Variants in ARHGAP26 observed in about 807,000 individuals in gnomAD.
ARHGAP26 encodes Rho GTPase activating protein 26, also known as rho GTPase-activating protein 26.
In ARHGAP26, 38 loss-of-function variants were observed where a neutral mutation model predicts 104.8. That is an observed-to-expected ratio of 0.36 (90% CI 0.28 to 0.48). The LOEUF is 0.48. Among genes scored for constraint, ARHGAP26 ranks in the 20% least tolerant of loss-of-function variants. ARHGAP26 has a pLI of 0.99. For synonymous variants in ARHGAP26, 341 were observed against 340.0 expected, an observed-to-expected ratio of 1.00 and a Z score of -0.03; for missense variants, 704 against 947.9, an observed-to-expected ratio of 0.74 and a Z score of 3.38.
At chr5:142,861,377 A>G (rs1399212696) in intron 1 of ARHGAP26, among the ~76,000 whole-genome samples, 1 of 151,460 alleles carries the variant, frequency 6.6e-6, no homozygotes, top group African/African-American at 2.4e-5. Context: ...TTTCTTCCAG[A>G]AACATGAATT....
chr5:143,205,559 A>C (rs545140881), intron 20 of ARHGAP26, among the ~76,000 whole-genome samples: 1 of 152,352 alleles, frequency 6.6e-6, no homozygotes, highest in Admixed American at 6.5e-5. Context: ...AAGAATTCTA[A>C]TGCTATGACT....
chr5:143,219,540 G>A (rs1219747553), intron 22 of ARHGAP26, among the ~76,000 whole-genome samples: 1 of 152,208 alleles, frequency 6.6e-6, no homozygotes, highest in Non-Finnish European at 1.5e-5. Context: ...GGTGTCTGGA[G>A]GAGGAGGGAG....
chr5:143,092,781 TA>T (rs1427938239), intron 17 of ARHGAP26, among the ~76,000 whole-genome samples: 1 of 152,260 alleles, frequency 6.6e-6, no homozygotes, highest in Non-Finnish European at 1.5e-5. Flanking sequence ...AGAATTGGTA[TA>T]GATGGCTCTT....
At chr5:143,205,341 G>T (rs778908927) in intron 20 of ARHGAP26, among the ~76,000 whole-genome samples, 1 of 152,120 alleles carries the variant, frequency 6.6e-6, no homozygotes, top group African/African-American at 2.4e-5. Flanking sequence ...AAGCTTTAAA[G>T]AGTCATACTC....
intron 11 of ARHGAP26, among the ~76,000 whole-genome samples, chr5:142,935,830 T>G (rs1598305616): frequency 6.6e-6 from 1 of 152,154 alleles, no homozygotes; most frequent in East Asian, 1.9e-4. Flanking sequence ...TTAAATTTTA[T>G]GTTCAGAAAA....
chr5:142,820,351 A>G (rs1238520056), intron 1 of ARHGAP26, among the ~76,000 whole-genome samples: 2 of 152,150 alleles, frequency 1.3e-5, no homozygotes, highest in African/African-American at 2.4e-5. Context: ...TATATCACAA[A>G]TTAGTAAGGG....
chr5:142,867,586 T>C (rs1319291832), intron 1 of ARHGAP26, among the ~76,000 whole-genome samples: 1 of 152,136 alleles, frequency 6.6e-6, no homozygotes, highest in Non-Finnish European at 1.5e-5. Flanking sequence ...CCATTTTAAC[T>C]GCAACCTGGG....
At chr5:142,970,738 G>A (rs1772144267) in intron 11 of ARHGAP26, among the ~76,000 whole-genome samples, 1 of 152,192 alleles carries the variant, frequency 6.6e-6, no homozygotes, top group Non-Finnish European at 1.5e-5. Flanking sequence ...CCAGAAGTGG[G>A]AATGGATGTG....
At chr5:143,176,951 A>C (rs1039062368) in intron 20 of ARHGAP26, among the ~76,000 whole-genome samples, 6 of 152,238 alleles carry the variant, frequency 3.9e-5, no homozygotes, top group Admixed American at 6.5e-5. Flanking sequence ...TGTGGAAAGC[A>C]AAGCTGTGAG....
At chr5:143,005,932 C>T (rs545070343) in intron 11 of ARHGAP26, among the ~76,000 whole-genome samples, 23 of 152,080 alleles carry the variant, frequency 1.5e-4, no homozygotes, top group Admixed American at 1.4e-3. Context: ...GGAAGGGACT[C>T]GGCACCAACA....
chr5:143,158,469 A>G (rs1016609065), intron 20 of ARHGAP26, among the ~76,000 whole-genome samples: 2 of 151,594 alleles, frequency 1.3e-5, no homozygotes, highest in East Asian at 1.9e-4. Context: ...TGCAATCTCA[A>G]CTCTCCACTG....
chr5:142,839,473 T>A (rs1367849017), intron 1 of ARHGAP26, among the ~76,000 whole-genome samples: 1 of 152,206 alleles, frequency 6.6e-6, no homozygotes, highest in Admixed American at 6.5e-5. Context: ...ATACTTGAAC[T>A]TCTGTGTGTC....
intron 20 of ARHGAP26, among the ~76,000 whole-genome samples, chr5:143,180,660 G>A (rs1804201218): frequency 6.6e-6 from 1 of 152,120 alleles, no homozygotes; most frequent in Non-Finnish European, 1.5e-5. Context: ...AGTGTTAGGA[G>A]CGAAGAGGGA....
intron 20 of ARHGAP26, among the ~76,000 whole-genome samples, chr5:143,160,481 T>TTTC (rs1801091488): frequency 1.3e-5 from 2 of 150,824 alleles, no homozygotes; most frequent in African/African-American, 4.9e-5. Flanking sequence ...GGTGGTTTTT[T>TTTC]TTTCTTTCTT....
At chr5:143,125,377 C>A (rs898771619) in intron 18 of ARHGAP26, among the ~76,000 whole-genome samples, 2 of 152,194 alleles carry the variant, frequency 1.3e-5, no homozygotes, top group Non-Finnish European at 2.9e-5. Context: ...CCCTCTCCCC[C>A]CAACCCAGAG....
At chr5:142,924,056 G>A (rs1763565061) in intron 10 of ARHGAP26, among the ~76,000 whole-genome samples, 6 of 151,876 alleles carry the variant, frequency 4.0e-5, no homozygotes, top group Admixed American at 3.9e-4. Context: ...TAGAGACGGG[G>A]TTTCACCGTG....
intron 1 of ARHGAP26, among the ~76,000 whole-genome samples, chr5:142,784,832 T>C (rs1385306162): frequency 8.5e-5 from 13 of 152,106 alleles, no homozygotes. Context: ...CATATTTTCA[T>C]CATTCCCCCA....
intron 11 of ARHGAP26, among the ~76,000 whole-genome samples, chr5:142,944,688 T>A (rs1363414206): frequency 6.6e-6 from 1 of 152,226 alleles, no homozygotes; most frequent in Non-Finnish European, 1.5e-5. Context: ...CTATTTATCC[T>A]TTTTTATACA....
intron 9 of ARHGAP26, 68 bp from the exon 10 acceptor site, chr5:142,913,131 A>G (rs1424372702): frequency 1.6e-6 from 2 of 1,281,118 alleles, no homozygotes; most frequent in East Asian, 2.3e-5. Flanking sequence ...TTTACATGTC[A>G]TGTATGTCCT....
Sources: allele counts gnomAD v4.1 joint callset (sites outside exome capture counted in the v4.1 genomes callset), GRCh38; gene constraint gnomAD v4.1.1; transcripts MANE v1.5; gene names NCBI Gene and HGNC (gene_info 2026-07-23, HGNC 2026-07-21).